The following SYNE2 variants were observed in gnomAD, a reference collection of about 807,000 sequenced individuals.
The protein encoded by SYNE2 is nesprin-2.
SYNE2 carries 431 observed loss-of-function variants against 856.3 expected under a neutral mutation model. The observed-to-expected ratio is 0.50, with a 90% CI of 0.47 to 0.55. The LOEUF is 0.55. Among genes scored for constraint, SYNE2 ranks in the 20% least tolerant of loss-of-function variants. The probability of loss-of-function intolerance (pLI) is 0.00; values close to 1 mark genes in which losing one functional copy is unlikely to be tolerated. For synonymous variants in SYNE2, 2,923 were observed against 2,872.3 expected, an observed-to-expected ratio of 1.02 and a Z score of -0.56; for missense variants, 8,129 against 8,023.2, an observed-to-expected ratio of 1.01 and a Z score of -0.50.
At chr14:64,167,688 G>A in intron 92 of SYNE2, 49 bp downstream of exon 92, 1 of 1,613,058 alleles carries the variant, frequency 6.2e-7, no homozygotes. Context: ...TGGGGCAGGA[G>A]TCAGGGAAAG....
At chr14:63,967,480 C>T (rs2096409801) in intron 10 of SYNE2, among the ~76,000 whole-genome samples, 1 of 152,124 alleles carries the variant, frequency 6.6e-6, no homozygotes, top group South Asian at 2.1e-4. Flanking sequence ...AGTATAAATC[C>T]AACAATACAC....
At chr14:64,100,285 A>C (rs1014946644) in intron 63 of SYNE2, 2 of 151,756 alleles carry the variant, frequency 1.3e-5, no homozygotes, top group Non-Finnish European at 2.9e-5. Flanking sequence ...AACAATGAGA[A>C]CACATGGACA....
At chr14:63,897,921 A>T (rs2095279463) in intron 1 of SYNE2, among the ~76,000 whole-genome samples, 1 of 152,194 alleles carries the variant, frequency 6.6e-6, no homozygotes, top group Non-Finnish European at 1.5e-5. Context: ...AGGAACAGCG[A>T]GCATGTTTTG....
chr14:63,786,322 C>A (rs1312966190), intron 1 of SYNE2, among the ~76,000 whole-genome samples: 1 of 152,044 alleles, frequency 6.6e-6, no homozygotes, highest in Non-Finnish European at 1.5e-5. Context: ...GCAAGAGGGT[C>A]ACTTGAGCCC....
intron 23 of SYNE2, 31 bp from the exon 24 acceptor site, chr14:63,996,916 A>G (rs758673807): frequency 2.5e-6 from 4 of 1,602,828 alleles, no homozygotes; most frequent in Non-Finnish European, 3.4e-6. Flanking sequence ...ACTCACCAGA[A>G]GCACATTTCC....
intron 77 of SYNE2, 40 bp from the exon 78 acceptor site, chr14:64,134,029 G>A (rs1259018107): frequency 3.7e-6 from 6 of 1,611,760 alleles, no homozygotes; most frequent in African/African-American, 2.7e-5. Flanking sequence ...AACCAATCTG[G>A]TAAAGGGCTT....
rs772838592 is a variant in SYNE2, at chr14:64,122,099, C to T, written c.13246C>T (p.His4416Tyr). Residue 4416 changes from histidine to tyrosine, a missense_variant, in exon 69 of 116, where the codon CAT becomes TAT. Physicochemically the swap from His to Tyr is moderately conservative, Grantham distance 83 (BLOSUM62 2). Around this residue, in one of 3 missense-constraint regions of SYNE2, gnomAD observed 5,410 missense variants for 5,284.8 expected, o/e 1.02. Coordinates refer to ENST00000555002, the MANE Select transcript of SYNE2 (RefSeq NM_182914.3). ...AKKMWPQYCQ[H>Y]DNDTTQESSA... ...GAAAATGTGGCCCCAGTATTGCCAA[C>T]ATGATAACGATACAACTCAGGAATC... 1.7e-5 allele frequency: 27 copies of T among 1,613,948 alleles called. No individual in the cohort carries two copies. Among genetic ancestry groups the T allele is most frequent in the Non-Finnish European group, 2.2e-5 (26 of 1,180,028 alleles).
intron 51 of SYNE2, among the ~76,000 whole-genome samples, chr14:64,070,373 G>A (rs2097396473): frequency 6.6e-6 from 1 of 152,172 alleles, no homozygotes. Flanking sequence ...AAATCTGAAG[G>A]AGAAATACAT....
rs2096758549 is a variant in SYNE2, at chr14:64,001,986, T to A, written c.3691T>A (p.Ser1231Thr). 1 of 1,614,050 alleles carries A rather than the reference T, an allele frequency of 6.2e-7. No homozygotes were observed. Among genetic ancestry groups the A allele is most frequent in the Non-Finnish European group, 8.5e-7 (1 of 1,180,006 alleles). The stretch of plus-strand genomic sequence containing the variant: ...GCTTGTGTTACCTGTAGAGAAGGCA[T>A]CACTTCTTCTCTGTGGCTCGGACCT... ...LRLVLPVEKASLLLCGSDLPL... is the reference protein window; with the variant it reads ...LRLVLPVEKATLLLCGSDLPL... Residue 1231 changes from serine (S) to threonine (T), a missense_variant, in exon 29 of 116, where the codon TCA (serine) becomes ACA (threonine). Ser to Thr is a moderately conservative substitution (Grantham distance 58, BLOSUM62 1). This residue lies in a region of SYNE2 where 2,422 missense variants were observed against 2,357.4 expected (regional missense o/e 1.03). Transcript: ENST00000555002.
At chr14:63,801,337 T>C (rs571841326) in intron 1 of SYNE2, among the ~76,000 whole-genome samples, 192 of 152,190 alleles carry the variant, frequency 1.3e-3, no homozygotes, top group Middle Eastern at 6.8e-3. Flanking sequence ...TGTAACCAAA[T>C]ACCACCTGTA....
chr14:64,142,503 T>A (rs1172659167), intron 82 of SYNE2, among the ~76,000 whole-genome samples: 1 of 152,222 alleles, frequency 6.6e-6, no homozygotes, highest in East Asian at 1.9e-4. Flanking sequence ...CTTAGTCATC[T>A]TCCATAGTCA....
At chr14:64,068,903 G>C (rs1214188485) in intron 51 of SYNE2, among the ~76,000 whole-genome samples, 1 of 146,040 alleles carries the variant, frequency 6.8e-6, no homozygotes, top group African/African-American at 2.5e-5. Context: ...TCTCCCTCTT[G>C]TATTCCCCCT....
chr14:63,958,218 A>C (rs2096265132), intron 8 of SYNE2, among the ~76,000 whole-genome samples: 1 of 152,172 alleles, frequency 6.6e-6, no homozygotes, highest in Non-Finnish European at 1.5e-5. Context: ...TGTTATTTTA[A>C]ATTAAGGTAA....
At chr14:63,945,478 T>C (rs760747264) in intron 6 of SYNE2, among the ~76,000 whole-genome samples, 1 of 152,266 alleles carries the variant, frequency 6.6e-6, no homozygotes, top group Admixed American at 6.5e-5. Flanking sequence ...ATTTACCTTA[T>C]TGTAGCAAGT....
At chr14:63,777,207 G>T (rs1887142407) in intron 1 of SYNE2, among the ~76,000 whole-genome samples, 1 of 152,200 alleles carries the variant, frequency 6.6e-6, no homozygotes, top group African/African-American at 2.4e-5. Flanking sequence ...GAAAGAATTT[G>T]CCCTTGACTG....
At position 64,098,110 on chromosome 14, in the gene SYNE2, A is replaced by G; in HGVS notation, c.12270A>G (p.Glu4090=). 5.0e-6 allele frequency: 8 copies of G among 1,614,130 alleles called. No individual in the cohort carries two copies. The highest frequency in any genetic ancestry group is 5.9e-6 in the Non-Finnish European group (7 of 1,180,004). Residue 4090 remains glutamate (E), a synonymous_variant, in exon 62 of 116, where the codon GAA becomes GAG. Transcript: ENST00000555002. The part of the protein sequence containing the change: ...RDRLPAVTSE[E]GGVAERDASE... Reference sequence around the variant, plus strand: ...GGCTGCCAGCTGTAACATCAGAGGAAGGTGGAGTGGCAGAGAGGGATGCTT... The same window carrying G: ...GGCTGCCAGCTGTAACATCAGAGGAGGGTGGAGTGGCAGAGAGGGATGCTT...
chr14:63,993,020 G>A (rs187421510), intron 21 of SYNE2, among the ~76,000 whole-genome samples: 5 of 152,092 alleles, frequency 3.3e-5, no homozygotes, highest in South Asian at 2.1e-4. Flanking sequence ...TCTGTCATTC[G>A]CTAGTTACCT....
chr14:63,767,613 G>T (rs73267648), intron 1 of SYNE2, among the ~76,000 whole-genome samples: 4,905 of 152,030 alleles, frequency 0.032, 268 homozygotes, highest in African/African-American at 0.11. Context: ...AACCCTCTCT[G>T]GTCCACCATG....
intron 30 of SYNE2, among the ~76,000 whole-genome samples, chr14:64,004,553 C>T (rs1413762067): frequency 6.6e-6 from 1 of 152,120 alleles, no homozygotes; most frequent in East Asian, 1.9e-4. Context: ...TGGTCTTGAA[C>T]TCCTCACCTC....
Sources: allele counts gnomAD v4.1 joint callset (sites outside exome capture counted in the v4.1 genomes callset), GRCh38; gene constraint gnomAD v4.1.1; regional missense constraint gnomAD v4.1.1; transcripts MANE v1.5; gene names NCBI Gene and HGNC (gene_info 2026-07-23, HGNC 2026-07-21).